GALNT1: variants seen among roughly 807,000 people sequenced by gnomAD.
GALNT1 encodes polypeptide N-acetylgalactosaminyltransferase 1.
A neutral mutation model predicts 65.7 loss-of-function variants in GALNT1; 17 were observed. The observed-to-expected ratio is 0.26, with a 90% CI of 0.18 to 0.39. The LOEUF is 0.39. Ranked by LOEUF, GALNT1 falls within the 10% of genes least tolerant of loss-of-function variation. The probability of loss-of-function intolerance (pLI) is 1.00; values close to 1 mark genes in which losing one functional copy is unlikely to be tolerated. For synonymous variants in GALNT1, 210 were observed against 219.7 expected (o/e 0.96, Z 0.39); for missense variants, 460 against 672.8 (o/e 0.68, Z 3.50).
chr18:35,595,484 G>A (rs1598779814), intron 1 of GALNT1, among the ~76,000 whole-genome samples: 1 of 152,168 alleles, frequency 6.6e-6, no homozygotes, highest in African/African-American at 2.4e-5. Flanking sequence ...ACTTTTAACA[G>A]TGGAAGAGCA....
At chr18:35,587,429 G>A (rs1423491009) in intron 1 of GALNT1, among the ~76,000 whole-genome samples, 1 of 152,132 alleles carries the variant, frequency 6.6e-6, no homozygotes, top group Non-Finnish European at 1.5e-5. Flanking sequence ...TGTGATCTTG[G>A]GGGAAAGCAT....
chr18:35,705,828 G>A (rs1020590802), intron 11 of GALNT1, among the ~76,000 whole-genome samples: 1 of 152,186 alleles, frequency 6.6e-6, no homozygotes, highest in African/African-American at 2.4e-5. Context: ...CAGGGATAAC[G>A]TTGTTGTAAT....
At chr18:35,626,085 T>C (rs2046913037) in intron 1 of GALNT1, among the ~76,000 whole-genome samples, 1 of 152,194 alleles carries the variant, frequency 6.6e-6, no homozygotes, top group African/African-American at 2.4e-5. Flanking sequence ...GTTTTGCCTT[T>C]TCCTAACTCA....
intron 9 of GALNT1, among the ~76,000 whole-genome samples, chr18:35,700,462 T>C (rs1163759130): frequency 6.6e-6 from 1 of 152,188 alleles, no homozygotes. Flanking sequence ...ACTGACCATA[T>C]GTTGTTGATG....
At chr18:35,628,019 G>A (rs1458007957) in intron 1 of GALNT1, among the ~76,000 whole-genome samples, 2 of 152,192 alleles carry the variant, frequency 1.3e-5, no homozygotes, top group African/African-American at 4.8e-5. Context: ...CGAGGCTGGG[G>A]GAGGGGCACC....
chr18:35,700,651 A>C (rs1598811805), intron 9 of GALNT1, among the ~76,000 whole-genome samples: 1 of 152,110 alleles, frequency 6.6e-6, no homozygotes, highest in African/African-American at 2.4e-5. Context: ...GTTATGTACA[A>C]ATCTCTTACA....
intron 1 of GALNT1, among the ~76,000 whole-genome samples, chr18:35,606,566 T>C (rs968303838): frequency 1.3e-5 from 2 of 152,222 alleles, no homozygotes; most frequent in Admixed American, 6.5e-5. Context: ...AATTTCTAGA[T>C]TGGATCCCAA....
At chr18:35,601,205 C>G (rs1364122508) in intron 1 of GALNT1, among the ~76,000 whole-genome samples, 1 of 151,920 alleles carries the variant, frequency 6.6e-6, no homozygotes, top group Non-Finnish European at 1.5e-5. Context: ...TTATCCCTTT[C>G]TTCTAGGTTT....
At position 35,664,710 on chromosome 18, in the gene GALNT1, G is replaced by A. The variant is rs1022521336; in HGVS notation, c.314+908G>A. On this transcript the variant is annotated intron_variant, in intron 3 of 11. Coordinates refer to ENST00000269195, the MANE Select transcript of GALNT1 (RefSeq NM_020474.4). The stretch of plus-strand genomic sequence containing the variant: ...GCTCCATAAGAAGAAGGTAATACAA[G>A]GTACTAGAGTACCATAGGCCCAGTT... 5.9e-5 allele frequency among the ~76,000 whole-genome samples: 9 copies of A among 152,278 alleles called. No homozygotes were observed. The South Asian group carries it at 1.9e-3, about 32-fold the overall frequency.
chr18:35,607,175 C>T (rs2046660795), intron 1 of GALNT1, among the ~76,000 whole-genome samples: 1 of 151,954 alleles, frequency 6.6e-6, no homozygotes, highest in Non-Finnish European at 1.5e-5. Flanking sequence ...AACACAGTGC[C>T]ATGGGAGAGT....
chr18:35,709,869 TTCC>T lies in GALNT1; in HGVS notation c.*105_*107del. On this transcript the variant is annotated 3_prime_UTR_variant, in exon 12 of 12. Coordinates refer to ENST00000269195, the MANE Select transcript of GALNT1 (RefSeq NM_020474.4). ...TAAGTAGCAAAAAAGGAAAAGTGCT[TTCC>T]TCCTCTGCAGGATGTAAGGTTTATC... 7.4e-7 allele frequency: 1 copy of T among 1,356,042 alleles called. No homozygotes were observed. Among genetic ancestry groups the T allele is most frequent in the Non-Finnish European group, 1.0e-6 (1 of 988,280 alleles). 84.0% of individuals were successfully genotyped at this position (1,356,042 alleles called of 1,614,324 possible).
At chr18:35,584,701 G>C (rs940453551) in intron 1 of GALNT1, among the ~76,000 whole-genome samples, 4 of 152,234 alleles carry the variant, frequency 2.6e-5, no homozygotes, top group Non-Finnish European at 5.9e-5. Flanking sequence ...TTACACCTCA[G>C]ATCATCAGGC....
intron 1 of GALNT1, among the ~76,000 whole-genome samples, chr18:35,586,358 G>C (rs1598777672): frequency 1.3e-5 from 2 of 152,008 alleles, no homozygotes; most frequent in East Asian, 3.9e-4. Context: ...TCCTTTGTTG[G>C]GTATGTTGTT....
intron 7 of GALNT1, among the ~76,000 whole-genome samples, chr18:35,690,696 G>T (rs569385197): frequency 6.4e-4 from 98 of 152,228 alleles, no homozygotes; most frequent in South Asian, 5.0e-3. Context: ...GGAAGCACTG[G>T]CTTTGTAACC....
chr18:35,645,916 T>C (rs1031073180), intron 1 of GALNT1, among the ~76,000 whole-genome samples: 10 of 152,244 alleles, frequency 6.6e-5, no homozygotes, highest in Non-Finnish European at 1.0e-4. Context: ...CCTAAAAATT[T>C]AATGGCTTTA....
chr18:35,662,470 G>A (rs2047490918), intron 2 of GALNT1, among the ~76,000 whole-genome samples: 1 of 152,084 alleles, frequency 6.6e-6, no homozygotes, highest in Non-Finnish European at 1.5e-5. Context: ...TTCATATCCT[G>A]CAGCTCTGGT....
intron 1 of GALNT1, among the ~76,000 whole-genome samples, chr18:35,652,281 A>T (rs1156957968): frequency 6.6e-6 from 1 of 152,126 alleles, no homozygotes; most frequent in Non-Finnish European, 1.5e-5. Context: ...CCCTGTGGAC[A>T]TTCTTTCTTT....
chr18:35,710,569 C>G lies in GALNT1; in HGVS notation c.*799C>G, dbSNP rs1468024927. ...TGGAATTGTAATTTTTAATTGCCTT[C>G]TAAAAAATGGAAATTTAACAATGTC... On this transcript the variant is annotated 3_prime_UTR_variant, in exon 12 of 12. Transcript: ENST00000269195. The G allele has an allele frequency of 1.3e-5, 2 of 152,088 alleles. No homozygotes were observed. The highest frequency in any genetic ancestry group is 4.8e-5 in the African/African-American group (2 of 41,362). The allele number at this position is 152,088 out of a possible 1,614,324, so 9.4% of individuals were successfully genotyped here.
At chr18:35,661,036 C>A (rs192357539) in intron 2 of GALNT1, among the ~76,000 whole-genome samples, 1 of 152,096 alleles carries the variant, frequency 6.6e-6, no homozygotes, top group East Asian at 1.9e-4. Flanking sequence ...ACATTTTTGC[C>A]TGATTCTTTA....
Sources: gnomAD v4.1 joint callset for allele counts (sites outside exome capture counted in the v4.1 genomes callset) on GRCh38, gnomAD v4.1.1 for gene constraint, MANE v1.5 for transcripts, NCBI Gene and HGNC (gene_info 2026-07-23, HGNC 2026-07-21) for gene names.